The following MOBP variants were observed in gnomAD, a reference collection of about 807,000 sequenced individuals.
MOBP encodes myelin-associated oligodendrocyte basic protein.
A neutral mutation model predicts 15.0 loss-of-function variants in MOBP; 5 were observed. That is an observed-to-expected ratio of 0.33 (90% CI 0.17 to 0.70). The LOEUF (loss-of-function observed/expected upper bound fraction) is 0.70. Among genes scored for constraint, MOBP ranks in the 30% least tolerant of loss-of-function variants. The pLI, the probability that MOBP is intolerant of heterozygous loss-of-function variation, is 0.67. For synonymous variants in MOBP, 88 were observed against 99.0 expected (o/e 0.89, Z 0.66); for missense variants, 188 against 257.8 (o/e 0.73, Z 1.85).
chr3:39,478,639 G>GA (rs2042576877), intron 1 of MOBP, among the ~76,000 whole-genome samples: 1 of 152,108 alleles, frequency 6.6e-6, no homozygotes, highest in East Asian at 1.9e-4. Flanking sequence ...TATCTTCACA[G>GA]AAAAAACCAG....
intron 2 of MOBP, among the ~76,000 whole-genome samples, chr3:39,501,154 A>G (rs1382587242): frequency 1.3e-5 from 2 of 152,210 alleles, no homozygotes; most frequent in African/African-American, 4.8e-5. Context: ...TCTTCAAGGA[A>G]TCCATCCTTT....
At chr3:39,492,867 C>T (rs2042819937) in intron 2 of MOBP, among the ~76,000 whole-genome samples, 1 of 152,200 alleles carries the variant, frequency 6.6e-6, no homozygotes, top group South Asian at 2.1e-4. Flanking sequence ...CAGACCCTTG[C>T]TCAAGGTTGT....
intron 2 of MOBP, among the ~76,000 whole-genome samples, chr3:39,487,201 C>T (rs1003013168): frequency 1.5e-4 from 23 of 152,002 alleles, no homozygotes; most frequent in African/African-American, 5.3e-4. Context: ...CCTCAGCCTC[C>T]CAAAATACTG....
chr3:39,519,216 G>T (rs867176711), downstream of MOBP, among the ~76,000 whole-genome samples: 1 of 152,116 alleles, frequency 6.6e-6, no homozygotes, highest in African/African-American at 2.4e-5. Context: ...TTCACCCTGC[G>T]TTTCTTGAAT....
At chr3:39,520,108 T>C (rs1404067353), downstream of MOBP, among the ~76,000 whole-genome samples, 1 of 152,140 alleles carries the variant, frequency 6.6e-6, no homozygotes, top group Non-Finnish European at 1.5e-5. Context: ...ATCTTGTCCC[T>C]GGCTGCTAAC....
At chr3:39,490,276 T>C (rs576149567) in intron 2 of MOBP, among the ~76,000 whole-genome samples, 2 of 152,202 alleles carry the variant, frequency 1.3e-5, no homozygotes, top group Non-Finnish European at 2.9e-5. Context: ...ATGCATATTA[T>C]TATTATTACT....
chr3:39,476,222 C>T (rs1022441624), intron 1 of MOBP, among the ~76,000 whole-genome samples: 3 of 152,198 alleles, frequency 2.0e-5, no homozygotes, highest in African/African-American at 7.2e-5. Context: ...GATGCTAAAC[C>T]ATTCATGAGA....
Position 39,502,652 on chromosome 3 carries a change from G to A in MOBP, c.324G>A (p.Arg108=). The A allele has an allele frequency of 6.5e-7, 1 of 1,534,966 alleles. No individual in the cohort carries two copies. Among genetic ancestry groups the A allele is most frequent in the South Asian group, 1.2e-5 (1 of 83,896 alleles). The part of the protein sequence containing the change: ...RSPPRSERQP[R]SPPRSERQPR... ...CTCCGAGGTCTGAGCGTCAGCCACGGTCCCCTCCGAGGTCTGAGCGTCAGC... is the reference window on the plus strand; with the variant it reads ...CTCCGAGGTCTGAGCGTCAGCCACGATCCCCTCCGAGGTCTGAGCGTCAGC... Residue 108 remains arginine (R), a synonymous_variant, in exon 4 of 4, where the codon CGG becomes CGA. Transcript: ENST00000684792. The surrounding 1 kb of genome is among the most constrained non-coding windows in gnomAD (Gnocchi z 6.3).
chr3:39,522,955 C>T (rs146072557), intron 3 of MOBP, among the ~76,000 whole-genome samples: 1 of 152,226 alleles, frequency 6.6e-6, no homozygotes, highest in Non-Finnish European at 1.5e-5. Flanking sequence ...AAACTAATGC[C>T]ATCCATTTAG....
downstream of MOBP, among the ~76,000 whole-genome samples, chr3:39,504,475 C>A (rs2043023396): frequency 6.6e-6 from 1 of 151,888 alleles, no homozygotes; most frequent in African/African-American, 2.4e-5. Context: ...TCAGGAGATA[C>A]CCTAGTGTTG....
rs1640143489 is a variant in MOBP at position 39,502,409 on chromosome 3, T to G, written c.207-126T>G. 6.5e-7 allele frequency: 1 copy of G among 1,527,402 alleles called. No homozygotes were observed. Among genetic ancestry groups the G allele is most frequent in the Non-Finnish European group, 8.8e-7 (1 of 1,141,588 alleles). 94.6% of individuals were successfully genotyped at this position (1,527,402 alleles called of 1,614,324 possible). ...GTTAGGCTCCGACACCGGAAGGCACTCCAGGGAGACTGGAAGGTGGGTGGG... is the reference window on the plus strand; with the variant it reads ...GTTAGGCTCCGACACCGGAAGGCACGCCAGGGAGACTGGAAGGTGGGTGGG... On this transcript the variant is annotated intron_variant, in intron 3 of 3. Transcript: ENST00000684792. The surrounding 1 kb of genome is among the most constrained non-coding windows in gnomAD (Gnocchi z 6.3).
chr3:39,494,525 G>A (rs560501836), intron 2 of MOBP, among the ~76,000 whole-genome samples: 1 of 152,024 alleles, frequency 6.6e-6, no homozygotes, highest in Admixed American at 6.5e-5. Flanking sequence ...TTGCAATTAG[G>A]TGGTATCTTT....
At chr3:39,522,253 G>A (rs924251324) in intron 3 of MOBP, among the ~76,000 whole-genome samples, 1 of 152,172 alleles carries the variant, frequency 6.6e-6, no homozygotes, top group African/African-American at 2.4e-5. Context: ...TTAGCATAAA[G>A]CTTGCATGTA....
chr3:39,482,975 A>C (rs1483524650), intron 2 of MOBP, among the ~76,000 whole-genome samples: 1 of 152,120 alleles, frequency 6.6e-6, no homozygotes, highest in Non-Finnish European at 1.5e-5. Flanking sequence ...CCCTCCAAAA[A>C]GCCTTCCCTG....
intron 1 of MOBP, 39 bp from the exon 2 acceptor site, chr3:39,480,001 C>T (rs1231785416): frequency 6.8e-6 from 1 of 147,918 alleles, no homozygotes; most frequent in Non-Finnish European, 1.5e-5. Context: ...AACCAAAACA[C>T]TATATTAACC....
intron 2 of MOBP, among the ~76,000 whole-genome samples, chr3:39,493,787 T>G (rs1405374148): frequency 1.3e-5 from 2 of 151,998 alleles, no homozygotes; most frequent in Admixed American, 1.3e-4. Flanking sequence ...CCCCAAGGAG[T>G]GTCTTGACTT....
At chr3:39,518,536 G>GAA (rs144272848), downstream of MOBP, among the ~76,000 whole-genome samples, 1,113 of 152,268 alleles carry the variant, frequency 7.3e-3, 7 homozygotes, top group East Asian at 0.036. Context: ...CAGAAAGAAA[G>GAA]AGCTCTTGGG....
chr3:39,481,628 C>T (rs561007587), intron 2 of MOBP, among the ~76,000 whole-genome samples: 1 of 152,220 alleles, frequency 6.6e-6, no homozygotes, highest in African/African-American at 2.4e-5. Context: ...GATTCTCTAG[C>T]TACTTCTCTC....
Position 39,502,363 on chromosome 3 carries a change from C to A in MOBP, c.206+88C>A, listed in dbSNP as rs2042984109. 2.5e-6 allele frequency: 4 copies of A among 1,581,230 alleles called. No individual in the cohort carries two copies. The Admixed American group carries it at 7.3e-5, about 29-fold the overall frequency. ...CGCCCCTCCCGCTCCGCACCCCACTCTTCCCCCTAGTCGGCTCCGGGTTAG... is the reference window on the plus strand; with the variant it reads ...CGCCCCTCCCGCTCCGCACCCCACTATTCCCCCTAGTCGGCTCCGGGTTAG... On this transcript the variant is annotated intron_variant, in intron 3 of 3. Coordinates refer to ENST00000684792, the MANE Select transcript of MOBP (RefSeq NM_001393704.1). The surrounding 1 kb of genome is among the most constrained non-coding windows in gnomAD (Gnocchi z 6.3).
Sources: allele counts gnomAD v4.1 joint callset (sites outside exome capture counted in the v4.1 genomes callset), GRCh38; gene constraint gnomAD v4.1.1; non-coding constraint Gnocchi (gnomAD v3.1); transcripts MANE v1.5; gene names NCBI Gene and HGNC (gene_info 2026-07-23, HGNC 2026-07-21).